Variants in SEMA3D observed in about 807,000 individuals in gnomAD.
The protein encoded by SEMA3D is semaphorin-3D.
A neutral mutation model predicts 100.1 loss-of-function variants in SEMA3D; 84 were observed. The observed-to-expected ratio is 0.84, with a 90% CI of 0.70 to 1.01. SEMA3D has a LOEUF of 1.01. Ranked by LOEUF, SEMA3D falls within the 50% of genes least tolerant of loss-of-function variation. SEMA3D has a pLI of 0.00. For synonymous variants in SEMA3D, 312 were observed against 320.7 expected (o/e 0.97, Z 0.29); for missense variants, 875 against 934.1 (o/e 0.94, Z 0.82).
chr7:85,160,912 A>G lies in SEMA3D; in HGVS notation c.-172-7173T>C, dbSNP rs1790729169. On this transcript the variant is annotated intron_variant, in intron 1 of 18. Transcript: ENST00000284136. ...CTAGGAGAAGAGGTTTATGAAGAAT[A>G]ATTGCAATGAAGCAGAAAAGAAGTC... Among the ~76,000 whole-genome samples, 10 of 152,254 alleles carry G rather than the reference A, an allele frequency of 6.6e-5. No individual in the cohort carries two copies. In the South Asian group the frequency reaches 2.1e-3, roughly 32 times the overall value.
chr7:85,055,933 C>T lies in SEMA3D; in HGVS notation c.719-74G>A, dbSNP rs10226229. On this transcript the variant is annotated intron_variant, in intron 8 of 18. Transcript: ENST00000284136. ...TCATCATAGTTTGATGATATTTCCA[C>T]GTAAAAGCAATTAGCAGTAGAATTT... 2.0e-3 allele frequency: 1,582 copies of T among 800,136 alleles called. 16 individuals carry two copies. The African/African-American group carries it at 0.025, about 13-fold the overall frequency. The allele number at this position is 800,136 out of a possible 1,614,324, so 49.6% of individuals were successfully genotyped here.
At chr7:85,196,168 A>T in the SEMA3D span, among the ~76,000 whole-genome samples, 1 of 152,200 alleles carries the variant, frequency 6.6e-6, no homozygotes, top group Non-Finnish European at 1.5e-5. Context: ...TTCTCCAAAT[A>T]GAATGCATGC....
intron 4 of SEMA3D, among the ~76,000 whole-genome samples, chr7:85,091,029 G>GA (rs1257842912): frequency 1.3e-5 from 2 of 148,298 alleles, no homozygotes; most frequent in African/African-American, 2.5e-5. Context: ...AAGAGAAAAG[G>GA]AAAGAAAGAA....
chr7:85,007,406 C>T (rs1789830567), intron 17 of SEMA3D, among the ~76,000 whole-genome samples: 1 of 151,720 alleles, frequency 6.6e-6, no homozygotes, highest in Admixed American at 6.6e-5. Flanking sequence ...ATTTTGATAT[C>T]AGAAAAGTAA....
At position 85,096,183 on chromosome 7, in the gene SEMA3D, C is replaced by T. The variant is rs534135897; in HGVS notation, c.312+1622G>A. Among the ~76,000 whole-genome samples the T allele has an allele frequency of 4.6e-5, 7 of 151,958 alleles. No individual in the cohort carries two copies. The South Asian group carries it at 1.2e-3, about 27-fold the overall frequency. ...TGGCCACTTTCATAAAACACGTCAT[C>T]CCCTGCTAAGATATTTACTGAAAAT... On this transcript the variant is annotated intron_variant, in intron 4 of 18. Transcript: ENST00000284136.
chr7:85,012,031 C>A (rs1353251646), intron 17 of SEMA3D, among the ~76,000 whole-genome samples: 1 of 151,608 alleles, frequency 6.6e-6, no homozygotes, highest in Admixed American at 6.6e-5. Flanking sequence ...AGCTGCAGCT[C>A]TGGAATACAT....
chr7:85,148,490 C>T (rs1050217324), intron 2 of SEMA3D, among the ~76,000 whole-genome samples: 3 of 152,078 alleles, frequency 2.0e-5, no homozygotes, highest in African/African-American at 7.2e-5. Context: ...AGTAAATACA[C>T]ATTTCTATAA....
chr7:85,097,023 G>C (rs1369248886), intron 4 of SEMA3D, among the ~76,000 whole-genome samples: 1 of 151,734 alleles, frequency 6.6e-6, no homozygotes, highest in African/African-American at 2.4e-5. Context: ...ATGCAGAAGA[G>C]ATCTGATATT....
chr7:85,153,510 G>C (rs1003292666), intron 2 of SEMA3D, 98 bp downstream of exon 2: 5 of 151,982 alleles, frequency 3.3e-5, no homozygotes, highest in African/African-American at 1.2e-4. Context: ...ATTATTCAGA[G>C]AAACAGAACA....
chr7:85,002,636 A>G (rs1008719957), intron 18 of SEMA3D, among the ~76,000 whole-genome samples: 42 of 152,172 alleles, frequency 2.8e-4, no homozygotes, highest in African/African-American at 9.4e-4. Context: ...ATCTCTGGCC[A>G]TTGATTTAAA....
chr7:85,073,250 A>G (rs898201868), intron 5 of SEMA3D, among the ~76,000 whole-genome samples, 169 bp from the exon 6 acceptor site: 3 of 152,220 alleles, frequency 2.0e-5, no homozygotes, highest in Non-Finnish European at 4.4e-5. Flanking sequence ...GGCAAGACAA[A>G]TATAGAAACC....
chr7:85,190,335 C>G (rs533576669), upstream of SEMA3D, among the ~76,000 whole-genome samples: 3 of 152,242 alleles, frequency 2.0e-5, no homozygotes, highest in Non-Finnish European at 4.4e-5. Context: ...CAGAAAACCT[C>G]TCTGTCTTAT....
At chr7:85,206,905 C>A in the SEMA3D span, among the ~76,000 whole-genome samples, 1 of 151,962 alleles carries the variant, frequency 6.6e-6, no homozygotes, top group African/African-American at 2.4e-5. Context: ...ATCAATAATC[C>A]TATAATTAAT....
upstream of SEMA3D, among the ~76,000 whole-genome samples, chr7:85,191,226 G>A (rs563900806): frequency 2.6e-5 from 4 of 152,162 alleles, no homozygotes; most frequent in Admixed American, 1.3e-4. Flanking sequence ...AATTTGGAAC[G>A]GTTTTCCACG....
chr7:85,022,465 T>C lies in SEMA3D; in HGVS notation c.1340A>G (p.Tyr447Cys), dbSNP rs1269350416. The change falls in exon 13 of 19, where the codon TAC becomes TGC. Residue 447 changes from tyrosine to cysteine, a missense_variant. Coordinates refer to ENST00000284136, the MANE Select transcript of SEMA3D (RefSeq NM_001384900.1). ...ATCCACCACTATCTGTGTCAGTCTG[T>C]AATCCACATTGATTCTCTTGAACGT... ...GPTFKRINVD[Y>C]RLTQIVVDHV... 1 of 1,612,504 alleles carries C rather than the reference T, an allele frequency of 6.2e-7. No homozygotes were observed. Among genetic ancestry groups the C allele is most frequent in the Non-Finnish European group, 8.5e-7 (1 of 1,178,978 alleles).
chr7:85,080,184 T>C (rs1455573852), intron 5 of SEMA3D, among the ~76,000 whole-genome samples: 1 of 152,220 alleles, frequency 6.6e-6, no homozygotes, highest in Non-Finnish European at 1.5e-5. Flanking sequence ...TTTTGCTTTG[T>C]ATTTACTATG....
the SEMA3D span, among the ~76,000 whole-genome samples, chr7:85,197,988 T>C: frequency 1.3e-5 from 2 of 152,188 alleles, no homozygotes; most frequent in African/African-American, 4.8e-5. Context: ...AGAAAATTAG[T>C]AGTCCTTAAA....
intron 5 of SEMA3D, among the ~76,000 whole-genome samples, chr7:85,074,449 G>T (rs1208074579): frequency 1.3e-5 from 2 of 151,992 alleles, no homozygotes; most frequent in Non-Finnish European, 2.9e-5. Flanking sequence ...TTAATGATAG[G>T]ATTGTTATGG....
chr7:85,248,703 C>T, the SEMA3D span, among the ~76,000 whole-genome samples: 1 of 151,820 alleles, frequency 6.6e-6, no homozygotes, highest in Non-Finnish European at 1.5e-5. Flanking sequence ...ATGCACTTCA[C>T]TAAGTGAAAG....
Sources: gnomAD v4.1 joint callset for allele counts (sites outside exome capture counted in the v4.1 genomes callset) on GRCh38, gnomAD v4.1.1 for gene constraint, MANE v1.5 for transcripts, NCBI Gene and HGNC (gene_info 2026-07-23, HGNC 2026-07-21) for gene names.